Variants in TRRAP observed in about 807,000 individuals in gnomAD.
TRRAP encodes transformation/transcription domain associated protein.
TRRAP carries 41 observed loss-of-function variants against 438.8 expected under a neutral mutation model. The observed-to-expected ratio is 0.09, with a 90% CI of 0.07 to 0.12. TRRAP has a LOEUF of 0.12. TRRAP is among the 10% of genes least tolerant of loss of function. The pLI, the probability that TRRAP is intolerant of heterozygous loss-of-function variation, is 1.00. For missense variants in TRRAP, 3,122 were observed against 5,055.1 expected (o/e 0.62, Z 11.60); for synonymous variants, 1,994 against 1,962.9 (o/e 1.02, Z -0.42).
chr7:98,908,099 C>T lies in TRRAP; in HGVS notation c.1116-629C>T, dbSNP rs1796872835. ...CAGTGCCACCTCAAAGGAACTGTCC[C>T]TGGAACCCTGTTTAAGAATAGCTTG... is the stretch of plus-strand genomic sequence containing the variant. On this transcript the variant is annotated intron_variant, in intron 13 of 72. Coordinates refer to ENST00000456197, the MANE Select transcript of TRRAP (RefSeq NM_001375524.1). This position sits in a 1 kb window ranked among gnomAD's most constrained non-coding sequence, Gnocchi z 4.1. 6.6e-6 allele frequency among the ~76,000 whole-genome samples: 1 copy of T among 152,212 alleles called. No individual in the cohort carries two copies. Among genetic ancestry groups the T allele is most frequent in the Non-Finnish European group, 1.5e-5 (1 of 68,042 alleles).
rs192379351 is a variant in TRRAP, at chr7:99,004,742, C to T, written c.10535+327C>T. ...GCAGAATCAGATGATTGTAGCATTT[C>T]CTAGAGTGTGCTGCATCTCATTTGA... On this transcript the variant is annotated intron_variant, in intron 68 of 72. Coordinates refer to ENST00000456197, the MANE Select transcript of TRRAP (RefSeq NM_001375524.1). 3.9e-4 allele frequency among the ~76,000 whole-genome samples: 59 copies of T among 152,300 alleles called. 2 individuals carry two copies. The East Asian group carries it at 8.3e-3, about 21-fold the overall frequency.
At chr7:98,993,380 C>T (rs965973841) in intron 65 of TRRAP, among the ~76,000 whole-genome samples, 158 bp from the exon 66 acceptor site, 2 of 152,268 alleles carry the variant, frequency 1.3e-5, no homozygotes, top group African/African-American at 4.8e-5. Flanking sequence ...CGCCTAGAAC[C>T]AGGGCCTTCT....
chr7:98,924,134 G>A (rs1387998860), intron 21 of TRRAP, among the ~76,000 whole-genome samples: 7 of 152,206 alleles, frequency 4.6e-5, no homozygotes, highest in Non-Finnish European at 1.0e-4. Context: ...GAGCATGTAG[G>A]TGAGGCAGAA....
At position 98,918,101 on chromosome 7, in the gene TRRAP, A is replaced by G. The variant is rs189352266; in HGVS notation, c.2622+422A>G. On this transcript the variant is annotated intron_variant, in intron 20 of 72. Transcript: ENST00000456197. ...ACACTGCTGTACTCCAGCCTGGGTG[A>G]CAAAATCAGACCCTGTCTCAAAAAA... Among the ~76,000 whole-genome samples, 247 of 149,302 alleles carry G rather than the reference A, an allele frequency of 1.7e-3. 1 individual carries two copies. Among genetic ancestry groups the G allele is most frequent in the African/African-American group, 5.7e-3 (222 of 39,158 alleles).
At chr7:98,981,730 A>G (rs1792929367) in intron 58 of TRRAP, 39 bp from the exon 59 acceptor site, 1 of 1,556,910 alleles carries the variant, frequency 6.4e-7, no homozygotes, top group Admixed American at 2.1e-5. Flanking sequence ...GAGGGAAAGA[A>G]GGCCCCTCAC....
At chr7:98,913,348 G>A (rs1562938515) in intron 18 of TRRAP, among the ~76,000 whole-genome samples, 1 of 151,658 alleles carries the variant, frequency 6.6e-6, no homozygotes, top group East Asian at 1.9e-4. Context: ...GGAGTGCAGT[G>A]GAGTGATCTT....
chr7:98,890,732 C>A (rs937305757), intron 4 of TRRAP, among the ~76,000 whole-genome samples: 1 of 151,786 alleles, frequency 6.6e-6, no homozygotes, highest in Non-Finnish European at 1.5e-5. Flanking sequence ...ATGACTACCC[C>A]CCATACCTAT....
At chr7:98,922,161 G>A (rs782163183) in intron 21 of TRRAP, among the ~76,000 whole-genome samples, 11 of 152,094 alleles carry the variant, frequency 7.2e-5, no homozygotes, top group Non-Finnish European at 1.3e-4. Context: ...CTCTGGAGCA[G>A]CCCCCTCTCC....
chr7:98,914,211 A>T (rs1050163395), intron 18 of TRRAP, among the ~76,000 whole-genome samples: 1 of 152,044 alleles, frequency 6.6e-6, no homozygotes, highest in Non-Finnish European at 1.5e-5. Flanking sequence ...CCTGGGCAGC[A>T]TAGTGAGACC....
Position 98,902,158 on chromosome 7 carries a change from T to A in TRRAP, c.898-1221T>A, listed in dbSNP as rs112503166. ...TTTGGTTCATTGACTTTTGCTGCTG[T>A]TAGAAGTTGTGTGTTGTGGCAGCTA... On this transcript the variant is annotated intron_variant, in intron 11 of 72. Transcript: ENST00000456197. Among the ~76,000 whole-genome samples the A allele has an allele frequency of 8.0e-3, 1,220 of 152,328 alleles. 11 individuals are homozygous for A. The highest frequency in any genetic ancestry group is 0.025 in the African/African-American group (1,051 of 41,574).
intron 46 of TRRAP, among the ~76,000 whole-genome samples, chr7:98,961,875 G>A (rs1487634395): frequency 1.3e-5 from 2 of 152,156 alleles, no homozygotes; most frequent in Non-Finnish European, 2.9e-5. Context: ...AGCCGAGATC[G>A]TGCCATTGCA....
rs1554407014 is a variant in TRRAP at position 98,903,382 on chromosome 7, T to C, written c.901T>C (p.Leu301=). 6.2e-7 allele frequency: 1 copy of C among 1,614,180 alleles called. No homozygotes were observed. Among genetic ancestry groups the C allele is most frequent in the African/African-American group, 1.3e-5 (1 of 75,036 alleles). ...LAYIIRIYQE[L]VTKYSQQMVK... ...TCATCTCACTCTGTTCTTACAGGAG[T>C]TGGTGACTAAGTATTCTCAGCAGAT... Residue 301 remains leucine, a synonymous_variant, in exon 12 of 73, where the codon TTG becomes CTG. Coordinates refer to ENST00000456197, the MANE Select transcript of TRRAP (RefSeq NM_001375524.1).
Position 98,956,565 on chromosome 7 carries a change from G to T in TRRAP, c.6231+32G>T, listed in dbSNP as rs782609886. The T allele has an allele frequency of 4.6e-5, 73 of 1,597,554 alleles. No homozygotes were observed. The highest frequency in any genetic ancestry group is 1.7e-4 in the Middle Eastern group (1 of 5,950). ...TCATGTGCCTCTGTATGGGTGCTGC[G>T]CATTCTGCTGGGAGTTGGTTCGTTT... is the stretch of plus-strand genomic sequence containing the variant. On this transcript the variant is annotated intron_variant, in intron 43 of 72. Transcript: ENST00000456197. The surrounding 1 kb of genome is among the most constrained non-coding windows in gnomAD (Gnocchi z 4.5).
Position 99,005,922 on chromosome 7 carries a change from C to T in TRRAP, c.10753+574C>T, listed in dbSNP as rs1287083217. Among the ~76,000 whole-genome samples the T allele has an allele frequency of 1.3e-5, 2 of 152,106 alleles. No individual in the cohort carries two copies. The highest frequency in any genetic ancestry group is 2.9e-5 in the Non-Finnish European group (2 of 68,012). ...GGAGGAGAAGTGAAACCACCCCGGC[C>T]GAGCCTGGGCGCCAGCGAGGCAGCA... On this transcript the variant is annotated intron_variant, in intron 69 of 72. Transcript: ENST00000456197. The surrounding 1 kb of genome is among the most constrained non-coding windows in gnomAD (Gnocchi z 5.1).
At chr7:98,898,264 T>C (rs1796313057) in intron 8 of TRRAP, among the ~76,000 whole-genome samples, 1 of 152,236 alleles carries the variant, frequency 6.6e-6, no homozygotes, top group African/African-American at 2.4e-5. Context: ...CTGGCCCCAC[T>C]GGGGTTTTCT....
chr7:98,998,255 T>A (rs112178970), intron 67 of TRRAP, among the ~76,000 whole-genome samples: 1 of 152,206 alleles, frequency 6.6e-6, no homozygotes, highest in Admixed American at 6.5e-5. Context: ...AAAATAAATA[T>A]TTAATTTTTA....
Position 98,945,770 on chromosome 7 carries a change from A to G in TRRAP, c.4497A>G (p.Arg1499=), listed in dbSNP as rs1554416643. The G allele has an allele frequency of 1.3e-6, 2 of 1,598,284 alleles. No individual in the cohort carries two copies. Among genetic ancestry groups the G allele is most frequent in the African/African-American group, 1.3e-5 (1 of 75,036 alleles). Residue 1499 remains arginine (R), a synonymous_variant, in exon 32 of 73, where the codon AGA becomes AGG. Transcript: ENST00000456197. ...AGGAAAGCATTTCCGAGTGCGGGAGATGTCCCTTGTCTCCATTCTGTCAGT... is the reference window on the plus strand; with the variant it reads ...AGGAAAGCATTTCCGAGTGCGGGAGGTGTCCCTTGTCTCCATTCTGTCAGT... ...DGNESISECG[R]CPLSPFCQFE...
At chr7:98,895,412 A>G (rs1554405581) in intron 6 of TRRAP, among the ~76,000 whole-genome samples, 1 of 152,224 alleles carries the variant, frequency 6.6e-6, no homozygotes, top group Non-Finnish European at 1.5e-5. Flanking sequence ...GCTGATTTCT[A>G]GGAAGGTTTC....
At chr7:98,896,985 A>G (rs1207079664) in intron 7 of TRRAP, among the ~76,000 whole-genome samples, 1 of 152,018 alleles carries the variant, frequency 6.6e-6, no homozygotes, top group African/African-American at 2.4e-5. Flanking sequence ...CTGCAATCCC[A>G]GTACTTTGGG....
Sources: gnomAD v4.1 joint callset for allele counts (sites outside exome capture counted in the v4.1 genomes callset) on GRCh38, gnomAD v4.1.1 for gene constraint, Gnocchi (gnomAD v3.1) non-coding constraint, MANE v1.5 for transcripts, NCBI Gene and HGNC (gene_info 2026-07-23, HGNC 2026-07-21) for gene names.